GNAZ: variants seen among roughly 807,000 people sequenced by gnomAD.
GNAZ encodes the protein guanine nucleotide-binding protein G(z) subunit alpha.
In GNAZ, 3 loss-of-function variants were observed where a neutral mutation model predicts 25.4. The ratio of observed to expected loss-of-function variants is 0.12; its 90% CI spans 0.05 to 0.30. The LOEUF is 0.30. GNAZ is among the 10% of genes least tolerant of loss of function. The pLI is 1.00. For synonymous variants in GNAZ, 211 were observed against 205.7 expected, an observed-to-expected ratio of 1.03 and a Z score of -0.22; for missense variants, 241 against 501.8, an observed-to-expected ratio of 0.48 and a Z score of 4.97.
chr22:23,097,982 A>G (rs1167940765), intron 2 of GNAZ, among the ~76,000 whole-genome samples: 3 of 152,232 alleles, frequency 2.0e-5, no homozygotes. Context: ...AGGAGGCAGG[A>G]TACCTGGGTC....
At chr22:23,106,635 G>A (rs2069486377) in intron 2 of GNAZ, among the ~76,000 whole-genome samples, 1 of 152,238 alleles carries the variant, frequency 6.6e-6, no homozygotes, top group Non-Finnish European at 1.5e-5. Flanking sequence ...CAGGCTGTAG[G>A]ATAACATGTG....
intron 1 of GNAZ, among the ~76,000 whole-genome samples, chr22:23,078,304 C>T (rs2146261749): frequency 6.6e-6 from 1 of 152,352 alleles, no homozygotes; most frequent in African/African-American, 2.4e-5. Context: ...CTATTCATTT[C>T]CCTTAAACAC....
At chr22:23,083,900 C>T (rs950361973) in intron 1 of GNAZ, among the ~76,000 whole-genome samples, 1 of 152,192 alleles carries the variant, frequency 6.6e-6, no homozygotes, top group Non-Finnish European at 1.5e-5. Flanking sequence ...CAGGGGTCCT[C>T]ATCAGAGAAG....
chr22:23,119,999 C>T (rs1439011146), intron 2 of GNAZ, among the ~76,000 whole-genome samples: 1 of 152,152 alleles, frequency 6.6e-6, no homozygotes, highest in Non-Finnish European at 1.5e-5. Flanking sequence ...GTCCTGGGCA[C>T]AAGCAGGGGC....
chr22:23,112,928 A>C (rs1251477860), intron 2 of GNAZ, among the ~76,000 whole-genome samples: 2 of 152,180 alleles, frequency 1.3e-5, no homozygotes, highest in Non-Finnish European at 2.9e-5. Flanking sequence ...TGTGCCATGG[A>C]ATACCAGCCA....
At chr22:23,102,401 C>T (rs1174291291) in intron 2 of GNAZ, among the ~76,000 whole-genome samples, 2 of 152,226 alleles carry the variant, frequency 1.3e-5, no homozygotes, top group African/African-American at 4.8e-5. Flanking sequence ...CTTCCTTCCT[C>T]TGCTCCCAGG....
chr22:23,081,582 G>A (rs183237957), intron 1 of GNAZ, among the ~76,000 whole-genome samples: 11 of 152,240 alleles, frequency 7.2e-5, no homozygotes, highest in Admixed American at 2.6e-4. Flanking sequence ...AGCACTTTGG[G>A]AAGGAGACGC....
chr22:23,097,107 T>G (rs1375704914), intron 2 of GNAZ, among the ~76,000 whole-genome samples: 2 of 152,234 alleles, frequency 1.3e-5, no homozygotes, highest in East Asian at 1.9e-4. Flanking sequence ...GGGGCTGTCT[T>G]GCCCAGCAGG....
At chr22:23,080,143 C>T (rs1476705229) in intron 1 of GNAZ, among the ~76,000 whole-genome samples, 1 of 152,250 alleles carries the variant, frequency 6.6e-6, no homozygotes, top group East Asian at 1.9e-4. Context: ...TGGCCACCCT[C>T]TCCTCCATAG....
intron 2 of GNAZ, among the ~76,000 whole-genome samples, chr22:23,119,703 G>A (rs926053510): frequency 3.3e-5 from 5 of 152,216 alleles, no homozygotes; most frequent in Non-Finnish European, 4.4e-5. Flanking sequence ...GATGGAGTGA[G>A]GCGGCAAGCT....
chr22:23,078,459 A>G (rs906223262), intron 1 of GNAZ, among the ~76,000 whole-genome samples: 1 of 151,608 alleles, frequency 6.6e-6, no homozygotes, highest in Non-Finnish European at 1.5e-5. Flanking sequence ...CACCTCCTCC[A>G]AGGAGTCTCC....
chr22:23,077,959 C>CCAG (rs1280256711), intron 1 of GNAZ, among the ~76,000 whole-genome samples: 1 of 152,202 alleles, frequency 6.6e-6, no homozygotes, highest in Non-Finnish European at 1.5e-5. Flanking sequence ...AGGGCTTGGC[C>CCAG]CTCATGCCTC....
At chr22:23,085,772 A>G (rs1473227450) in intron 1 of GNAZ, among the ~76,000 whole-genome samples, 1 of 152,234 alleles carries the variant, frequency 6.6e-6, no homozygotes, top group Admixed American at 6.5e-5. Context: ...AGGCACGGGC[A>G]GTGGGGACAG....
intron 1 of GNAZ, among the ~76,000 whole-genome samples, chr22:23,079,343 C>T (rs2068606584): frequency 1.3e-5 from 2 of 152,196 alleles, no homozygotes; most frequent in Non-Finnish European, 2.9e-5. Flanking sequence ...AAGCGAAGTC[C>T]ACTTGGCTTT....
intron 2 of GNAZ, among the ~76,000 whole-genome samples, chr22:23,115,554 C>T (rs927726453): frequency 6.6e-6 from 1 of 152,072 alleles, no homozygotes; most frequent in African/African-American, 2.4e-5. Flanking sequence ...AGGAGGAGGC[C>T]CAGAACATAC....
chr22:23,082,671 G>A (rs2068716284), intron 1 of GNAZ, among the ~76,000 whole-genome samples: 1 of 152,134 alleles, frequency 6.6e-6, no homozygotes. Context: ...GAACTCCCAC[G>A]GCAGGCCAGC....
rs1438492925 is a variant in GNAZ, at chr22:23,071,564, A to G, written c.-450+994A>G. On this transcript the variant is annotated intron_variant, in intron 1 of 2. Coordinates refer to ENST00000615612, the MANE Select transcript of GNAZ (RefSeq NM_002073.4). The surrounding 1 kb of genome is among the most constrained non-coding windows in gnomAD (Gnocchi z 4.1). ...TCCTTGGCCAAATTCAATTAAGCAA[A>G]TATTTATTGAGTGGTCACTCCCCCA... Among the ~76,000 whole-genome samples, 1 of 152,088 alleles carries G rather than the reference A, an allele frequency of 6.6e-6. No homozygotes were observed. The highest frequency in any genetic ancestry group is 1.5e-5 in the Non-Finnish European group (1 of 68,008).
intron 1 of GNAZ, among the ~76,000 whole-genome samples, chr22:23,075,531 C>G (rs1189968952): frequency 6.6e-6 from 1 of 152,198 alleles, no homozygotes; most frequent in Non-Finnish European, 1.5e-5. Flanking sequence ...AGGAAGCTGC[C>G]ACATCACAGA....
chr22:23,078,113 G>A (rs569610149), intron 1 of GNAZ, among the ~76,000 whole-genome samples: 1 of 152,310 alleles, frequency 6.6e-6, no homozygotes, highest in African/African-American at 2.4e-5. Flanking sequence ...GGGCGGGTGC[G>A]GGTGGCCTGT....
Sources: allele counts gnomAD v4.1 joint callset (sites outside exome capture counted in the v4.1 genomes callset), GRCh38; gene constraint gnomAD v4.1.1; non-coding constraint Gnocchi (gnomAD v3.1); transcripts MANE v1.5; gene names NCBI Gene and HGNC (gene_info 2026-07-23, HGNC 2026-07-21).